RNF170: variants seen among roughly 807,000 people sequenced by gnomAD.
RNF170 encodes E3 ubiquitin-protein ligase RNF170.
Under a neutral mutation model 32.7 loss-of-function variants are expected in RNF170, and 12 were observed. The ratio of observed to expected loss-of-function variants is 0.37; its 90% CI spans 0.24 to 0.60. The LOEUF is 0.60. Among genes scored for constraint, RNF170 ranks in the 20% least tolerant of loss-of-function variants. RNF170 has a pLI of 0.72. For synonymous variants in RNF170, 91 were observed against 103.6 expected (o/e 0.88, Z 0.74); for missense variants, 212 against 311.2 (o/e 0.68, Z 2.40).
In RNF170 at chr8:42,853,571, G is replaced by T; in HGVS notation, c.*2588C>A. The T allele has an allele frequency of 7.8e-7, 1 of 1,286,776 alleles. No individual in the cohort carries two copies. Among genetic ancestry groups the T allele is most frequent in the African/African-American group, 1.5e-5 (1 of 65,866 alleles). The allele number at this position is 1,286,776 out of a possible 1,614,324, so 79.7% of individuals were successfully genotyped here. A position where few individuals can be genotyped will look rare whatever the true frequency, so the allele number is the denominator to read the frequency against. ...GCTGCCCAAGTTATTATCTGCTCCT[G>T]GGGTTGGACCATCTGTTTTATGACA... On this transcript the variant is annotated 3_prime_UTR_variant, in exon 7 of 7. Transcript: ENST00000527424.
upstream of RNF170, chr8:42,896,670 C>G (rs908921932): frequency 3.8e-5 from 17 of 450,184 alleles, no homozygotes; most frequent in South Asian, 1.7e-4. Flanking sequence ...GAGGAGGACC[C>G]GTCGCCGCAG....
At chr8:42,856,535 G>T in intron 6 of RNF170, 107 bp from the exon 7 acceptor site, 1 of 796,156 alleles carries the variant, frequency 1.3e-6, no homozygotes, top group Non-Finnish European at 2.0e-6. Flanking sequence ...GAATTAAGGA[G>T]TTACACATTA....
At chr8:42,871,636 A>G (rs1434753445) in intron 3 of RNF170, among the ~76,000 whole-genome samples, 1 of 151,962 alleles carries the variant, frequency 6.6e-6, no homozygotes, top group Non-Finnish European at 1.5e-5. Context: ...CAGTGGCACA[A>G]TCTCAGCTCA....
chr8:42,870,061 T>C lies in RNF170; in HGVS notation c.265A>G (p.Ile89Val), dbSNP rs769661838. ...GGGAAGGAGGCTTGGTGCAGGCAGATGGGACAGTACATGTCAGTGTAGAAC... is the reference window on the plus strand; with the variant it reads ...GGGAAGGAGGCTTGGTGCAGGCAGACGGGACAGTACATGTCAGTGTAGAAC... Reference protein sequence around the residue: ...QQFYTDMYCPICLHQASFPVE... With the variant: ...QQFYTDMYCPVCLHQASFPVE... Residue 89 changes from isoleucine (I) to valine (V), a missense_variant, in exon 4 of 7, where the codon ATC (isoleucine) becomes GTC (valine). This residue lies in a region of RNF170 where 115 missense variants were observed against 132.3 expected (regional missense o/e 0.87). Coordinates refer to ENST00000527424, the MANE Select transcript of RNF170 (RefSeq NM_030954.4). The C allele has an allele frequency of 5.0e-6, 8 of 1,614,148 alleles. No individual in the cohort carries two copies. The highest frequency in any genetic ancestry group is 5.1e-6 in the Non-Finnish European group (6 of 1,180,026).
At chr8:42,860,368 A>G (rs188920577) in intron 6 of RNF170, among the ~76,000 whole-genome samples, 11 of 152,338 alleles carry the variant, frequency 7.2e-5, no homozygotes, top group Non-Finnish European at 8.8e-5. Flanking sequence ...AAGAAAGGTT[A>G]TCTGTACAGT....
At chr8:42,896,341 G>A (rs1474157041) in intron 1 of RNF170, 143 bp downstream of exon 1, 2 of 399,906 alleles carry the variant, frequency 5.0e-6, no homozygotes, top group Non-Finnish European at 9.8e-6. Context: ...AGACGAGGGA[G>A]GGGCCCGGGG....
chr8:42,888,515 C>T (rs1214525333), intron 1 of RNF170, among the ~76,000 whole-genome samples: 1 of 151,090 alleles, frequency 6.6e-6, no homozygotes, highest in East Asian at 1.9e-4. Flanking sequence ...GTAATCCCAG[C>T]ATTATGGGAG....
rs111783545 is a variant in RNF170, at chr8:42,863,473, C to T, written c.397-1618G>A. Reference sequence around the variant, plus strand: ...AAAAAATTTTTTTTTGAGACAGTCTCGCTCTGTCTCCAGGCTGGAATGCAG... The same window carrying T: ...AAAAAATTTTTTTTTGAGACAGTCTTGCTCTGTCTCCAGGCTGGAATGCAG... On this transcript the variant is annotated intron_variant, in intron 5 of 6. Coordinates refer to ENST00000527424, the MANE Select transcript of RNF170 (RefSeq NM_030954.4). Among the ~76,000 whole-genome samples the T allele has an allele frequency of 3.2e-4, 49 of 152,156 alleles. No homozygotes were observed. In the East Asian group the frequency reaches 6.8e-3, roughly 21 times the overall value.
At chr8:42,873,678 C>A (rs974866979) in intron 3 of RNF170, among the ~76,000 whole-genome samples, 2 of 152,102 alleles carry the variant, frequency 1.3e-5, no homozygotes, top group Non-Finnish European at 2.9e-5. Context: ...ATTATTTCTA[C>A]ACTAATAAAT....
intron 1 of RNF170, among the ~76,000 whole-genome samples, chr8:42,891,716 ACTCGAT>A (rs1806317528): frequency 6.6e-6 from 1 of 152,096 alleles, no homozygotes; most frequent in African/African-American, 2.4e-5. Context: ...CTCTCTTTAA[ACTCGAT>A]TTTGACCTTT....
chr8:42,876,295 CTTG>C (rs1462242597), intron 2 of RNF170, among the ~76,000 whole-genome samples: 1 of 151,546 alleles, frequency 6.6e-6, no homozygotes, highest in Non-Finnish European at 1.5e-5. Flanking sequence ...ATTCCTACAT[CTTG>C]TTGTGAAGCC....
chr8:42,897,083 C>A, upstream of RNF170: 1 of 1,227,158 alleles, frequency 8.1e-7, no homozygotes, highest in Non-Finnish European at 1.0e-6. Flanking sequence ...GACAGAGCGG[C>A]GGCGGTGTCT....
At chr8:42,851,042 T>A (rs77532525), downstream of RNF170, 1,400 of 1,547,300 alleles carry the variant, frequency 9.0e-4, 44 homozygotes, top group East Asian at 0.023. Context: ...GTTTGTTAGA[T>A]CATGTCTTCC....
chr8:42,867,976 C>T (rs548479072), intron 4 of RNF170, among the ~76,000 whole-genome samples: 79 of 152,142 alleles, frequency 5.2e-4, no homozygotes, highest in African/African-American at 1.8e-3. Context: ...AGGAGTGTCA[C>T]GTGGATTAGG....
At chr8:42,860,610 A>G (rs1586485340) in intron 6 of RNF170, among the ~76,000 whole-genome samples, 2 of 152,010 alleles carry the variant, frequency 1.3e-5, no homozygotes, top group African/African-American at 4.8e-5. Flanking sequence ...TTTAGTAGAG[A>G]CAGGGTTTCA....
At chr8:42,857,990 G>A (rs760398977) in intron 6 of RNF170, among the ~76,000 whole-genome samples, 12 of 152,184 alleles carry the variant, frequency 7.9e-5, no homozygotes, top group African/African-American at 1.4e-4. Context: ...AGCCGAGATC[G>A]CGCCATTGCA....
At position 42,887,892 on chromosome 8, in the gene RNF170, A is replaced by G. The variant is rs761002708; in HGVS notation, c.-7-21T>C. On this transcript the variant is annotated intron_variant, in intron 1 of 6. Coordinates refer to ENST00000527424, the MANE Select transcript of RNF170 (RefSeq NM_030954.4). ...CAGGTCTAAAATAAGAAGAAACAAG[A>G]TGAGAGTTACAAATGACACAGTGAA... The G allele has an allele frequency of 5.6e-6, 9 of 1,606,928 alleles. No homozygotes were observed. In the South Asian group the frequency reaches 9.9e-5, roughly 18 times the overall value.
intron 6 of RNF170, among the ~76,000 whole-genome samples, chr8:42,859,153 G>C (rs1042237940): frequency 2.6e-5 from 4 of 151,640 alleles, no homozygotes; most frequent in Non-Finnish European, 4.4e-5. Flanking sequence ...CACCGCACTC[G>C]AGCCTGTCTC....
intron 3 of RNF170, among the ~76,000 whole-genome samples, chr8:42,873,168 T>C (rs1277778721): frequency 2.0e-5 from 3 of 151,910 alleles, no homozygotes; most frequent in Non-Finnish European, 4.4e-5. Context: ...GTGCTGGGAT[T>C]ACAGGTGTGA....
Sources: allele counts gnomAD v4.1 joint callset (sites outside exome capture counted in the v4.1 genomes callset), GRCh38; gene constraint gnomAD v4.1.1; regional missense constraint gnomAD v4.1.1; transcripts MANE v1.5; gene names NCBI Gene and HGNC (gene_info 2026-07-23, HGNC 2026-07-21).